PFAS: variants seen among roughly 807,000 people sequenced by gnomAD.
PFAS encodes phosphoribosylformylglycinamidine synthase.
Under a neutral mutation model 140.6 loss-of-function variants are expected in PFAS, and 97 were observed. That is an observed-to-expected ratio of 0.69 (90% CI 0.59 to 0.82). The LOEUF (loss-of-function observed/expected upper bound fraction) is 0.82, where lower values mean the gene tolerates loss of function less well. PFAS is among the 40% of genes least tolerant of loss of function. The pLI is 0.00. For synonymous variants in PFAS, 679 were observed against 718.8 expected (o/e 0.94, Z 0.88); for missense variants, 1,656 against 1,780.2 (o/e 0.93, Z 1.26).
rs766846644 is a variant in PFAS, at chr17:8,254,046, G to A, written c.109G>A (p.Glu37Lys). 43 of 1,614,024 alleles carry A rather than the reference G, an allele frequency of 2.7e-5. No individual in the cohort carries two copies. The highest frequency in any genetic ancestry group is 1.6e-4 in the Middle Eastern group (1 of 6,084). Residue 37 changes from glutamate (E) to lysine (K), a missense_variant, in exon 2 of 28, where the codon GAG (glutamate) becomes AAG (lysine). By Grantham distance (56) the Glu-to-Lys change is moderately conservative. Around this residue, in one of 2 missense-constraint regions of PFAS, gnomAD observed 773 missense variants for 757.3 expected, o/e 1.02. Transcript: ENST00000314666. ...GAAACTGCCAGAGCTGCAGGGCGTC[G>A]AGACTGAACTGTGCTACAACGTGAA... Reference protein sequence around the residue: ...QGKLPELQGVETELCYNVNWT... With the variant: ...QGKLPELQGVKTELCYNVNWT...
Position 8,267,200 on chromosome 17 carries a change from C to T in PFAS, c.3140C>T (p.Pro1047Leu). 3 of 1,606,434 alleles carry T rather than the reference C, an allele frequency of 1.9e-6. No homozygotes were observed. The highest frequency in any genetic ancestry group is 2.5e-6 in the Non-Finnish European group (3 of 1,177,112). ...ERMGPSYCLP[P>L]TFPKASVPRE... Reference sequence around the variant, plus strand: ...ATGGGGCCCAGCTATTGCCTGCCCCCCACCTTTCCCAAAGCCTCCGTGCCC... The same window carrying T: ...ATGGGGCCCAGCTATTGCCTGCCCCTCACCTTTCCCAAAGCCTCCGTGCCC... Residue 1047 changes from proline (P) to leucine (L), a missense_variant, in exon 24 of 28, where the codon CCC (proline) becomes CTC (leucine). Around this residue, in one of 2 missense-constraint regions of PFAS, gnomAD observed 883 missense variants for 1,023.0 expected, o/e 0.86. Coordinates refer to ENST00000314666, the MANE Select transcript of PFAS (RefSeq NM_012393.3). This position sits in a 1 kb window ranked among gnomAD's most constrained non-coding sequence, Gnocchi z 4.9.
chr17:8,265,187 C>A, intron 18 of PFAS, 62 bp downstream of exon 18: 2 of 1,562,646 alleles, frequency 1.3e-6, no homozygotes, highest in Non-Finnish European at 1.8e-6. Flanking sequence ...CCACATCCAT[C>A]TGTAGCCCTT....
intron 1 of PFAS, among the ~76,000 whole-genome samples, chr17:8,251,179 G>A (rs374231795): frequency 6.6e-6 from 1 of 152,112 alleles, no homozygotes. Flanking sequence ...TCAGCTACTC[G>A]GGAGACCGAG....
At position 8,268,835 on chromosome 17, in the gene PFAS, G is replaced by T. The variant is rs753185654; in HGVS notation, c.3685G>T (p.Val1229Leu). Residue 1229 changes from valine (V) to leucine (L), a missense_variant, in exon 27 of 28, where the codon GTG (valine) becomes TTG (leucine). Physicochemically the swap from Val to Leu is conservative, Grantham distance 32. This residue lies in a region of PFAS where 883 missense variants were observed against 1,023.0 expected (regional missense o/e 0.86). Coordinates refer to ENST00000314666, the MANE Select transcript of PFAS (RefSeq NM_012393.3). ...AGGGATGGAGGGCGCCGTGCTGCCCGTGTGGAGTGCGCACGGGGAAGGTCA... is the reference window on the plus strand; with the variant it reads ...AGGGATGGAGGGCGCCGTGCTGCCCTTGTGGAGTGCGCACGGGGAAGGTCA... ...LRGMEGAVLP[V>L]WSAHGEGYVA... is the part of the protein sequence containing the mutation. 6.2e-7 allele frequency: 1 copy of T among 1,608,456 alleles called. No individual in the cohort carries two copies.
intron 4 of PFAS, 119 bp from the exon 5 acceptor site, chr17:8,255,383 A>G: frequency 1.3e-6 from 1 of 779,470 alleles, no homozygotes; most frequent in Non-Finnish European, 2.1e-6. Flanking sequence ...ATCTGAGAAA[A>G]AGTGCCATAT....
upstream of PFAS, among the ~76,000 whole-genome samples, chr17:8,248,758 C>A (rs1342756843): frequency 1.3e-5 from 2 of 152,090 alleles, no homozygotes; most frequent in Non-Finnish European, 2.9e-5. Flanking sequence ...ATGGTTTCGC[C>A]ATGTTGCCCA....
chr17:8,255,441 G>A (rs1989320416), intron 4 of PFAS, 61 bp from the exon 5 acceptor site: 4 of 1,273,124 alleles, frequency 3.1e-6, no homozygotes, highest in East Asian at 2.4e-5. Context: ...TAGGAAGGTG[G>A]ACCATTTCTC....
intron 9 of PFAS, among the ~76,000 whole-genome samples, chr17:8,257,483 G>C (rs1411949876): frequency 6.6e-6 from 1 of 152,176 alleles, no homozygotes; most frequent in East Asian, 1.9e-4. Context: ...GTGAACCCGG[G>C]AGGCGGAGCT....
At chr17:8,257,689 A>T in intron 9 of PFAS, 118 bp from the exon 10 acceptor site, 1 of 1,043,338 alleles carries the variant, frequency 9.6e-7, no homozygotes, top group Admixed American at 1.7e-5. Flanking sequence ...CTGAAGTGGA[A>T]CATTGCAACC....
At position 8,267,943 on chromosome 17, in the gene PFAS, TTATATATTATTAAAA is replaced by T. The variant is rs1417494636; in HGVS notation, c.3382+290_3382+304del. 2.1e-5 allele frequency among the ~76,000 whole-genome samples: 3 copies of T among 144,848 alleles called. No individual in the cohort carries two copies. The Admixed American group carries it at 2.1e-4, about 10-fold the overall frequency. ...TATATATTATTAAAATGTATATTAT[TTATATATTATTAAAA>T]TATATATTATTTATATATATTATTT... is the stretch of plus-strand genomic sequence containing the variant. On this transcript the variant is annotated intron_variant, in intron 26 of 27. Coordinates refer to ENST00000314666, the MANE Select transcript of PFAS (RefSeq NM_012393.3). The surrounding 1 kb of genome is among the most constrained non-coding windows in gnomAD (Gnocchi z 4.9).
rs1567643672 is a variant in PFAS, at chr17:8,264,898, G to A, written c.2053G>A (p.Asp685Asn). 1 of 1,572,308 alleles carries A rather than the reference G, an allele frequency of 6.4e-7. No individual in the cohort carries two copies. Among genetic ancestry groups the A allele is most frequent in the Admixed American group, 1.8e-5 (1 of 55,082 alleles). Residue 685 changes from aspartate to asparagine, a missense_variant, in exon 18 of 28, where the codon GAC (aspartate) becomes AAC (asparagine). Asp to Asn is a conservative substitution (Grantham distance 23). Transcript: ENST00000314666. Reference sequence around the variant, plus strand: ...CTAACCCCACCTGGTTCCACAGGTGGACCGCTCTGTGGGAGGCCTGGTGGC... The same window carrying A: ...CTAACCCCACCTGGTTCCACAGGTGAACCGCTCTGTGGGAGGCCTGGTGGC... ...ASKRYLTNKV[D>N]RSVGGLVAQQ...
rs550288544 is a variant in PFAS, at chr17:8,265,358, C to A, written c.2351C>A (p.Ala784Asp). The A allele has an allele frequency of 1.2e-6, 2 of 1,614,046 alleles. No individual in the cohort carries two copies. The highest frequency in any genetic ancestry group is 1.7e-6 in the Non-Finnish European group (2 of 1,180,038). ...LPGEGAALAD[A>D]CEAMVAVMAA... ...GGGGAGGGCGCAGCTTTGGCGGATG[C>A]CTGTGAGGCTATGGTGGCAGTGATG... Residue 784 changes from alanine (A) to aspartate (D), a missense_variant, in exon 19 of 28, where the codon GCC becomes GAC. Coordinates refer to ENST00000314666, the MANE Select transcript of PFAS (RefSeq NM_012393.3).
Position 8,263,605 on chromosome 17 carries a change from C to G in PFAS, c.1598C>G (p.Ala533Gly). Residue 533 changes from alanine (A) to glycine (G), a missense_variant, in exon 14 of 28, where the codon GCT becomes GGT. By Grantham distance (60) the Ala-to-Gly change is moderately conservative (BLOSUM62 0). Transcript: ENST00000314666. Reference sequence around the variant, plus strand: ...GTCCTAAAAGAGCTGAGTGACCCAGCTGGAGCCATCATTTACACCAGCCGC... The same window carrying G: ...GTCCTAAAAGAGCTGAGTGACCCAGGTGGAGCCATCATTTACACCAGCCGC... ...GNVLKELSDP[A>G]GAIIYTSRFQ... 1 of 1,614,106 alleles carries G rather than the reference C, an allele frequency of 6.2e-7. No homozygotes were observed. Among genetic ancestry groups the G allele is most frequent in the African/African-American group, 1.3e-5 (1 of 75,060 alleles).
chr17:8,247,831 A>C, upstream of PFAS: 11 of 637,902 alleles, frequency 1.7e-5, no homozygotes, highest in East Asian at 5.7e-5. Context: ...GAATGAGGGA[A>C]TAAACATTCG....
intron 17 of PFAS, 72 bp from the exon 18 acceptor site, chr17:8,264,823 C>A: frequency 8.6e-7 from 1 of 1,161,468 alleles, no homozygotes; most frequent in Non-Finnish European, 1.2e-6. Flanking sequence ...CCCTGAGTGC[C>A]TTGGGGGCAT....
At chr17:8,256,814 C>T (rs77759461) in intron 8 of PFAS, 21 bp from the exon 9 acceptor site, 1 of 1,582,670 alleles carries the variant, frequency 6.3e-7, no homozygotes, top group African/African-American at 1.3e-5. Flanking sequence ...ACCCAGACCT[C>T]TCCCCACTCT....
At position 8,268,945 on chromosome 17, in the gene PFAS, C is replaced by G. The variant is rs1436162338; in HGVS notation, c.3707-9C>G. On this transcript the variant is annotated splice_polypyrimidine_tract_variant and intron_variant, in intron 27 of 27. Transcript: ENST00000314666. ...CTTGGCTCTCACTTCCCTCCTCCTT[C>G]CATCCCAGGTTACGTAGCATTTTCT... is the stretch of plus-strand genomic sequence containing the variant. 1 of 1,613,906 alleles carries G rather than the reference C, an allele frequency of 6.2e-7. No homozygotes were observed. Among genetic ancestry groups the G allele is most frequent in the Non-Finnish European group, 8.5e-7 (1 of 1,179,934 alleles).
At chr17:8,264,149 G>A in intron 15 of PFAS, 63 bp from the exon 16 acceptor site, 4 of 1,598,498 alleles carry the variant, frequency 2.5e-6, no homozygotes, top group East Asian at 2.2e-5. Context: ...CTGATTTCTA[G>A]GAACATTCCT....
At chr17:8,248,116 G>A (rs1275853312), upstream of PFAS, 2 of 1,028,596 alleles carry the variant, frequency 1.9e-6, no homozygotes, top group South Asian at 1.4e-5. Flanking sequence ...GCTCGGTGAC[G>A]TCACCGGTGA....
Sources: allele counts gnomAD v4.1 joint callset (sites outside exome capture counted in the v4.1 genomes callset), GRCh38; gene constraint gnomAD v4.1.1; regional missense constraint gnomAD v4.1.1; non-coding constraint Gnocchi (gnomAD v3.1); transcripts MANE v1.5; gene names NCBI Gene and HGNC (gene_info 2026-07-23, HGNC 2026-07-21).